Variants in SCP2 observed in about 807,000 individuals in gnomAD.
SCP2 encodes the protein sterol carrier protein 2.
Under a neutral mutation model 71.4 loss-of-function variants are expected in SCP2, and 48 were observed. The observed-to-expected ratio is 0.67, with a 90% CI of 0.53 to 0.86. SCP2 has a LOEUF of 0.86. Ranked by LOEUF, SCP2 falls within the 40% of genes least tolerant of loss-of-function variation. The pLI is 0.00. For missense variants in SCP2, 560 were observed against 655.6 expected, an observed-to-expected ratio of 0.85 and a Z score of 1.59; for synonymous variants, 220 against 218.1, an observed-to-expected ratio of 1.01 and a Z score of -0.08.
chr1:52,966,315 G>A (rs6663453), intron 6 of SCP2, among the ~76,000 whole-genome samples: 11 of 151,578 alleles, frequency 7.3e-5, no homozygotes, highest in African/African-American at 2.2e-4. Flanking sequence ...TTCCAGGAAT[G>A]GGTATTGAAT....
At chr1:52,996,897 TC>T (rs1356263264) in intron 11 of SCP2, among the ~76,000 whole-genome samples, 1 of 152,236 alleles carries the variant, frequency 6.6e-6, no homozygotes, top group Non-Finnish European at 1.5e-5. Flanking sequence ...TCTCCTATCT[TC>T]CTTTTGCTGT....
At chr1:53,018,742 A>C (rs1032220765) in intron 12 of SCP2, among the ~76,000 whole-genome samples, 14 of 146,194 alleles carry the variant, frequency 9.6e-5, no homozygotes, top group African/African-American at 3.3e-4. Context: ...CTCTGTTTCA[A>C]AAAAAAAAAA....
chr1:52,936,550 T>A lies in SCP2; in HGVS notation c.70-5246T>A, dbSNP rs139855336. Among the ~76,000 whole-genome samples, 27 of 152,324 alleles carry A rather than the reference T, an allele frequency of 1.8e-4. No homozygotes were observed. The East Asian group carries it at 5.0e-3, about 28-fold the overall frequency. On this transcript the variant is annotated intron_variant, in intron 1 of 15. Transcript: ENST00000371514. ...CACATTCAACTACATGAGTATGCAATCTGCAAAATCCAGACTCTGGGAAAC... is the reference window on the plus strand; with the variant it reads ...CACATTCAACTACATGAGTATGCAAACTGCAAAATCCAGACTCTGGGAAAC...
intron 11 of SCP2, chr1:52,995,588 G>T: frequency 2.0e-6 from 1 of 500,916 alleles, no homozygotes; most frequent in East Asian, 4.4e-5. Context: ...TCATCAGGTA[G>T]GATTTCAATG....
chr1:53,047,970 G>A lies in SCP2; in HGVS notation c.1548+33G>A, dbSNP rs754499993. On this transcript the variant is annotated intron_variant, in intron 15 of 15. Transcript: ENST00000371514. ...TGATGGAGCTTATATCCTGCTAGTAGGTAGGTCTTTCAGCCCTTTCTACTC... is the reference window on the plus strand; with the variant it reads ...TGATGGAGCTTATATCCTGCTAGTAAGTAGGTCTTTCAGCCCTTTCTACTC... 30 of 1,470,034 alleles carry A rather than the reference G, an allele frequency of 2.0e-5. No individual in the cohort carries two copies. The highest frequency in any genetic ancestry group is 2.9e-5 in the Non-Finnish European group (30 of 1,049,226). 91.1% of individuals were successfully genotyped at this position (1,470,034 alleles called of 1,614,324 possible).
chr1:52,985,916 A>G (rs190623939), intron 10 of SCP2, among the ~76,000 whole-genome samples: 3 of 152,132 alleles, frequency 2.0e-5, no homozygotes, highest in East Asian at 1.9e-4. Context: ...AATGTGTCCT[A>G]TACCCTTTCC....
At chr1:52,970,736 C>T (rs1490330914) in intron 6 of SCP2, among the ~76,000 whole-genome samples, 1 of 151,982 alleles carries the variant, frequency 6.6e-6, no homozygotes, top group Non-Finnish European at 1.5e-5. Context: ...CTTCTCTGCA[C>T]AGTTTCCTCA....
chr1:52,980,549 A>C lies in SCP2; in HGVS notation c.973+6A>C. 1 of 1,612,180 alleles carries C rather than the reference A, an allele frequency of 6.2e-7. No homozygotes were observed. The highest frequency in any genetic ancestry group is 1.1e-5 in the South Asian group (1 of 91,044). ...ACTGGGACTCTGTCCAGAAGGTAAC[A>C]TCTTTGAATAGGGCAGATTAATTCA... On this transcript the variant is annotated splice_donor_region_variant and intron_variant, in intron 10 of 15. Transcript: ENST00000371514.
chr1:52,952,762 G>A (rs144999887), intron 4 of SCP2, among the ~76,000 whole-genome samples: 1,688 of 152,180 alleles, frequency 0.011, 18 homozygotes, highest in Non-Finnish European at 0.018. Context: ...GCAAGACACT[G>A]TCTTTTAAAA....
chr1:52,936,299 C>T (rs186646790), intron 1 of SCP2, among the ~76,000 whole-genome samples: 22 of 152,304 alleles, frequency 1.4e-4, no homozygotes, highest in Admixed American at 3.9e-4. Flanking sequence ...ATCGAAAGCT[C>T]TTTGCCATTT....
intron 11 of SCP2, among the ~76,000 whole-genome samples, chr1:53,004,425 A>G (rs552498132): frequency 3.9e-5 from 6 of 152,276 alleles, no homozygotes; most frequent in Admixed American, 2.0e-4. Flanking sequence ...TGTGACCTGC[A>G]CGTATACATC....
chr1:52,927,352 G>C lies in SCP2; in HGVS notation c.-45G>C, dbSNP rs1327622057. ...GGTGCAGTCTCCGCCTGTCAGTGCC[G>C]GCAGTCGTCCGCGGCGCCCGCCCCG... On this transcript the variant is annotated 5_prime_UTR_variant, in exon 1 of 16. Coordinates refer to ENST00000371514, the MANE Select transcript of SCP2 (RefSeq NM_002979.5). The C allele has an allele frequency of 2.3e-5, 34 of 1,503,722 alleles. No individual in the cohort carries two copies. Among genetic ancestry groups the C allele is most frequent in the Non-Finnish European group, 2.8e-5 (31 of 1,104,294 alleles). 93.1% of individuals were successfully genotyped at this position (1,503,722 alleles called of 1,614,324 possible).
At chr1:52,998,599 C>T (rs531573627) in intron 11 of SCP2, among the ~76,000 whole-genome samples, 5 of 147,830 alleles carry the variant, frequency 3.4e-5, no homozygotes, top group Admixed American at 7.0e-5. Context: ...GGCGTGGTGG[C>T]GCACGTCTGT....
rs929870588 is a variant in SCP2, at chr1:53,013,594, C to G, written c.1082-1296C>G. Among the ~76,000 whole-genome samples, 182 of 152,090 alleles carry G rather than the reference C, an allele frequency of 1.2e-3. 1 individual carries two copies. Among genetic ancestry groups the G allele is most frequent in the Non-Finnish European group, 2.1e-4 (14 of 68,014 alleles). On this transcript the variant is annotated intron_variant, in intron 11 of 15. Coordinates refer to ENST00000371514, the MANE Select transcript of SCP2 (RefSeq NM_002979.5). ...TGGGCAACAGAGCAAGACTCTGTCT[C>G]AAACATAATAAATAAAATAAATTTA...
intron 10 of SCP2, among the ~76,000 whole-genome samples, chr1:52,986,073 C>T (rs77376637): frequency 0.01 from 1,544 of 152,170 alleles, 14 homozygotes; most frequent in Non-Finnish European, 0.016. Flanking sequence ...CTATTGTATC[C>T]ATAAGTTCCT....
rs1655645540 is a variant in SCP2, at chr1:52,954,784, A to C, written c.376A>C (p.Lys126Gln). 1.2e-6 allele frequency: 2 copies of C among 1,613,490 alleles called. No homozygotes were observed. Among genetic ancestry groups the C allele is most frequent in the Non-Finnish European group, 1.7e-6 (2 of 1,179,510 alleles). The change falls in exon 5 of 16, where the codon AAG becomes CAG. Residue 126 changes from lysine (K) to glutamine (Q), a missense_variant. Lys to Gln is a moderately conservative substitution (Grantham distance 53). Around this residue, in one of 3 missense-constraint regions of SCP2, gnomAD observed 513 missense variants for 573.1 expected, o/e 0.90. Transcript: ENST00000371514. ...VLALGFEKMS[K>Q]GSLGIKFSDR... ...GGCTCTTGGGTTTGAGAAGATGAGT[A>C]AGGGAAGCCTTGGAATAAAAGTGAG...
chr1:52,969,870 CTTCT>C (rs1407218597), intron 6 of SCP2, among the ~76,000 whole-genome samples: 7 of 152,060 alleles, frequency 4.6e-5, no homozygotes, highest in African/African-American at 1.7e-4. Context: ...TTGTGACTGG[CTTCT>C]TTAAGTTAGT....
chr1:52,991,053 G>GAT, intron 11 of SCP2, among the ~76,000 whole-genome samples: 1 of 152,138 alleles, frequency 6.6e-6, no homozygotes, highest in East Asian at 1.9e-4. Context: ...AATGGAAAGT[G>GAT]ATATATATGT....
intron 11 of SCP2, among the ~76,000 whole-genome samples, chr1:53,010,466 A>G (rs1195265599): frequency 2.0e-5 from 3 of 152,234 alleles, no homozygotes; most frequent in Admixed American, 6.5e-5. Context: ...GGATGAGTTC[A>G]TGTCCTTTGT....
Sources: gnomAD v4.1 joint callset for allele counts (sites outside exome capture counted in the v4.1 genomes callset) on GRCh38, gnomAD v4.1.1 for gene constraint, gnomAD v4.1.1 regional missense constraint, MANE v1.5 for transcripts, NCBI Gene and HGNC (gene_info 2026-07-23, HGNC 2026-07-21) for gene names.